CSMD2: variants seen among roughly 807,000 people sequenced by gnomAD.
CSMD2 encodes the protein CUB and Sushi multiple domains 2, also known as CUB and sushi domain-containing protein 2.
Under a neutral mutation model 398.5 loss-of-function variants are expected in CSMD2, and 130 were observed. That is an observed-to-expected ratio of 0.33 (90% CI 0.28 to 0.38). The LOEUF is 0.38. Among genes scored for constraint, CSMD2 ranks in the 10% least tolerant of loss-of-function variants. The probability of loss-of-function intolerance (pLI) is 1.00; values close to 1 mark genes in which losing one functional copy is unlikely to be tolerated. For synonymous variants in CSMD2, 1,828 were observed against 1,908.5 expected (o/e 0.96, Z 1.10); for missense variants, 3,829 against 4,764.9 (o/e 0.80, Z 5.78).
intron 3 of CSMD2, among the ~76,000 whole-genome samples, chr1:34,010,104 T>C (rs888513830): frequency 1.2e-4 from 19 of 152,334 alleles, no homozygotes; most frequent in African/African-American, 4.3e-4. Flanking sequence ...GTCTGTCTGC[T>C]GTAGAGCCTT....
At position 33,554,959 on chromosome 1, in the gene CSMD2, T is replaced by TTTTGAC. The variant is rs572920104; in HGVS notation, c.8743+2769_8743+2774dup. On this transcript the variant is annotated intron_variant, in intron 55 of 70. Transcript: ENST00000373381. The stretch of plus-strand genomic sequence containing the variant: ...CTGCAGCCCATGGATCAAGAAATAA[T>TTTTGAC]TTTGACTTTCAAGTCTTATTATGTA... Among the ~76,000 whole-genome samples, 63 of 152,280 alleles carry TTTTGAC rather than the reference T, an allele frequency of 4.1e-4. 2 individuals carry two copies. In the South Asian group the frequency reaches 0.011, roughly 26 times the overall value.
At chr1:33,517,443 C>A (rs2794599) in intron 70 of CSMD2, among the ~76,000 whole-genome samples, 2 of 152,062 alleles carry the variant, frequency 1.3e-5, no homozygotes, top group African/African-American at 4.8e-5. Flanking sequence ...TGGAGGTCAG[C>A]GGCATTCTTG....
At chr1:33,752,632 G>A (rs1408340512) in intron 13 of CSMD2, among the ~76,000 whole-genome samples, 1 of 152,214 alleles carries the variant, frequency 6.6e-6, no homozygotes, top group Non-Finnish European at 1.5e-5. Context: ...TAAGATACCT[G>A]ATGATGTGGA....
Position 33,678,473 on chromosome 1 carries a change from A to T in CSMD2, c.4052+14457T>A, listed in dbSNP as rs554878052. ...ACAGTCACCACTGCAGGAACACAATAAACCCATCGCTGATGTGAGTCATGA... is the reference window on the plus strand; with the variant it reads ...ACAGTCACCACTGCAGGAACACAATTAACCCATCGCTGATGTGAGTCATGA... On this transcript the variant is annotated intron_variant, in intron 25 of 70. Transcript: ENST00000373381. Among the ~76,000 whole-genome samples, 51 of 152,264 alleles carry T rather than the reference A, an allele frequency of 3.3e-4. No homozygotes were observed. In the South Asian group the frequency reaches 0.01, roughly 30 times the overall value.
chr1:33,928,193 C>T (rs1013424981), intron 4 of CSMD2, among the ~76,000 whole-genome samples: 5 of 152,166 alleles, frequency 3.3e-5, no homozygotes, highest in South Asian at 2.1e-4. Flanking sequence ...CTGTTAGGCA[C>T]GTGGACTTGC....
chr1:33,598,008 A>G (rs1189008974), intron 44 of CSMD2, among the ~76,000 whole-genome samples: 1 of 152,228 alleles, frequency 6.6e-6, no homozygotes, highest in Non-Finnish European at 1.5e-5. Context: ...ACATAACAGA[A>G]ATAACATGCA....
At chr1:34,093,674 T>C (rs1417468881) in intron 1 of CSMD2, among the ~76,000 whole-genome samples, 2 of 151,132 alleles carry the variant, frequency 1.3e-5, no homozygotes, top group African/African-American at 4.9e-5. Context: ...GAAGATGAAA[T>C]GAATGAAATG....
At chr1:34,123,950 A>G (rs2148477770) in intron 1 of CSMD2, among the ~76,000 whole-genome samples, 1 of 152,326 alleles carries the variant, frequency 6.6e-6, no homozygotes, top group South Asian at 2.1e-4. Flanking sequence ...CATGGGTTTA[A>G]CCACTACACT....
At position 33,537,140 on chromosome 1, in the gene CSMD2, C is replaced by A. The variant is rs368120180; in HGVS notation, c.9806-45G>T. ...ACACAGATCACATGGTCATGGAAGC[C>A]TTCACGGCCTCATCTCACTCTGGGA... On this transcript the variant is annotated intron_variant, in intron 61 of 70. Transcript: ENST00000373381. This position sits in a 1 kb window ranked among gnomAD's most constrained non-coding sequence, Gnocchi z 4.6. 1.3e-6 allele frequency: 2 copies of A among 1,596,414 alleles called. No homozygotes were observed. Among genetic ancestry groups the A allele is most frequent in the African/African-American group, 2.7e-5 (2 of 74,684 alleles).
intron 21 of CSMD2, among the ~76,000 whole-genome samples, chr1:33,711,398 T>C (rs1645983202): frequency 1.3e-5 from 2 of 152,250 alleles, no homozygotes; most frequent in African/African-American, 2.4e-5. Flanking sequence ...TTTAATCTCT[T>C]CATCTGCCTT....
chr1:33,694,666 T>G (rs1470237431), intron 24 of CSMD2, among the ~76,000 whole-genome samples: 1 of 152,176 alleles, frequency 6.6e-6, no homozygotes, highest in East Asian at 1.9e-4. Context: ...GTGAGTCAAT[T>G]AAGCCTCTTT....
At position 33,957,965 on chromosome 1, in the gene CSMD2, G is replaced by A. The variant is rs558866753; in HGVS notation, c.518-22011C>T. ...TGTGTGTGTGTGTGTGTGCACGCAC[G>A]CATGTGTGTGTGTTGGTGCTGCTGC... On this transcript the variant is annotated intron_variant, in intron 3 of 70. Transcript: ENST00000373381. Among the ~76,000 whole-genome samples the A allele has an allele frequency of 1.1e-3, 163 of 151,972 alleles. 1 individual carries two copies. The highest frequency in any genetic ancestry group is 3.8e-3 in the African/African-American group (157 of 41,484).
intron 1 of CSMD2, among the ~76,000 whole-genome samples, chr1:34,094,579 G>C (rs1451646442): frequency 6.6e-6 from 1 of 151,814 alleles, no homozygotes. Context: ...CCAAGAAAAT[G>C]GAAAACAAAA....
chr1:33,694,675 T>C (rs1645358358), intron 24 of CSMD2, among the ~76,000 whole-genome samples: 1 of 152,226 alleles, frequency 6.6e-6, no homozygotes, highest in Admixed American at 6.5e-5. Context: ...TTAAGCCTCT[T>C]TTCTTTACAA....
At chr1:33,725,631 A>G (rs753764046) in intron 16 of CSMD2, 95 bp from the exon 17 acceptor site, 1 of 1,171,758 alleles carries the variant, frequency 8.5e-7, no homozygotes, top group Non-Finnish European at 1.2e-6. Context: ...CTTCCGAATA[A>G]CCAGATTTTG....
At chr1:33,811,867 C>G (rs1363775102) in intron 9 of CSMD2, among the ~76,000 whole-genome samples, 3 of 152,164 alleles carry the variant, frequency 2.0e-5, no homozygotes, top group African/African-American at 7.2e-5. Context: ...GGCAATTTAT[C>G]CTAATTGTAG....
Position 33,751,815 on chromosome 1 carries a change from T to C in CSMD2, c.1847-8209A>G, listed in dbSNP as rs1285811640. Among the ~76,000 whole-genome samples, 6 of 151,728 alleles carry C rather than the reference T, an allele frequency of 4.0e-5. No homozygotes were observed. The East Asian group carries it at 1.2e-3, about 29-fold the overall frequency. ...TTTTTTTTTGTATTTTTAGTAGAGA[T>C]AGGGTTTCACCATGTTGGCCAGGAT... On this transcript the variant is annotated intron_variant, in intron 13 of 70. Transcript: ENST00000373381.
chr1:33,848,798 A>G (rs1638478474), intron 5 of CSMD2, among the ~76,000 whole-genome samples: 1 of 141,036 alleles, frequency 7.1e-6, no homozygotes, highest in Non-Finnish European at 1.5e-5. Flanking sequence ...AGGAGCCACA[A>G]ACGTATTGTG....
chr1:33,908,387 C>A (rs112761743), intron 5 of CSMD2, among the ~76,000 whole-genome samples: 2,143 of 152,374 alleles, frequency 0.014, 53 homozygotes, highest in African/African-American at 0.047. Flanking sequence ...CTCCTTCCAT[C>A]TGTCTTAGCG....
Sources: allele counts gnomAD v4.1 joint callset (sites outside exome capture counted in the v4.1 genomes callset), GRCh38; gene constraint gnomAD v4.1.1; non-coding constraint Gnocchi (gnomAD v3.1); transcripts MANE v1.5; gene names NCBI Gene and HGNC (gene_info 2026-07-23, HGNC 2026-07-21).